BRAT1: variants seen among roughly 807,000 people sequenced by gnomAD.
BRAT1 encodes integrator complex assembly factor BRAT1.
In BRAT1, 74 loss-of-function variants were observed where a neutral mutation model predicts 70.6. The observed-to-expected ratio is 1.05, with a 90% CI of 0.87 to 1.27. BRAT1 has a LOEUF of 1.27. Ranked by LOEUF, BRAT1 falls within the 50% of genes most tolerant of loss-of-function variation. The pLI, the probability that BRAT1 is intolerant of heterozygous loss-of-function variation, is 0.00. For synonymous variants in BRAT1, 615 were observed against 517.1 expected, an observed-to-expected ratio of 1.19 and a Z score of -2.57; for missense variants, 1,203 against 1,098.2, an observed-to-expected ratio of 1.10 and a Z score of -1.35.
intron 2 of BRAT1, among the ~76,000 whole-genome samples, chr7:2,553,447 A>G (rs1780187152): frequency 6.6e-6 from 1 of 152,210 alleles, no homozygotes; most frequent in Admixed American, 6.5e-5. Flanking sequence ...ACATTAACAT[A>G]TTATGTGGAG....
chr7:2,541,502 G>A lies in BRAT1; in HGVS notation c.1135-18C>T, dbSNP rs754792591. 1.6e-5 allele frequency: 25 copies of A among 1,519,660 alleles called. No homozygotes were observed. Among genetic ancestry groups the A allele is most frequent in the South Asian group, 7.4e-5 (6 of 81,412 alleles). The allele number at this position is 1,519,660 out of a possible 1,614,324, so 94.1% of individuals were successfully genotyped here. Reference sequence around the variant, plus strand: ...CGCTGGGGCTGCGAGGAAGAGGGCCGTCAGCCAAGGTTGCGGTCCCACTGC... The same window carrying A: ...CGCTGGGGCTGCGAGGAAGAGGGCCATCAGCCAAGGTTGCGGTCCCACTGC... On this transcript the variant is annotated intron_variant, in intron 8 of 13. Transcript: ENST00000340611.
rs569563652 is a variant in BRAT1, at chr7:2,540,359, G to A, written c.1396-471C>T. The A allele has an allele frequency of 4.3e-4, 68 of 158,594 alleles. 1 individual carries two copies. The highest frequency in any genetic ancestry group is 3.2e-3 in the Middle Eastern group (1 of 314). The allele number at this position is 158,594 out of a possible 1,614,324, so 9.8% of individuals were successfully genotyped here. Reference sequence around the variant, plus strand: ...CAGTAATCACAGCTGTGAGCCCCACGCCCCTCCTGGGCTGATTTTAATAGG... The same window carrying A: ...CAGTAATCACAGCTGTGAGCCCCACACCCCTCCTGGGCTGATTTTAATAGG... On this transcript the variant is annotated intron_variant, in intron 10 of 13. Transcript: ENST00000340611.
chr7:2,545,496 CTTTT>C (rs71550356), intron 3 of BRAT1, among the ~76,000 whole-genome samples: 1 of 130,024 alleles, frequency 7.7e-6, no homozygotes, highest in Non-Finnish European at 1.6e-5. Context: ...CTTTCTTCTT[CTTTT>C]TTTTTTTTTT....
At chr7:2,550,604 T>G (rs1176896732) in intron 2 of BRAT1, among the ~76,000 whole-genome samples, 2 of 146,822 alleles carry the variant, frequency 1.4e-5, no homozygotes, top group African/African-American at 5.0e-5. Context: ...TTTACACACC[T>G]CTCAGAAACA....
chr7:2,544,875 G>C, intron 4 of BRAT1, 34 bp downstream of exon 4: 1 of 1,546,222 alleles, frequency 6.5e-7, no homozygotes, highest in Non-Finnish European at 8.7e-7. Flanking sequence ...ACACAGGCAG[G>C]ATGAGGAATG....
At chr7:2,544,200 G>GTTTT (rs1172630697) in intron 4 of BRAT1, 1,387 of 108,304 alleles carry the variant, frequency 0.013, 40 homozygotes, top group Middle Eastern at 0.029. Context: ...CCTTCTTGTT[G>GTTTT]TTTTTTTTTT....
chr7:2,546,533 G>A (rs528131295), intron 3 of BRAT1, among the ~76,000 whole-genome samples: 36 of 152,232 alleles, frequency 2.4e-4, no homozygotes, highest in Non-Finnish European at 3.1e-4. Context: ...CAAGGAGTTC[G>A]TGATCAGCCT....
In BRAT1 at chr7:2,543,281, T is replaced by C. The variant is rs1779323527; in HGVS notation, c.846A>G (p.Thr282=). The change falls in exon 6 of 14, where the codon ACA becomes ACG. Residue 282 remains threonine, a synonymous_variant. Coordinates refer to ENST00000340611, the MANE Select transcript of BRAT1 (RefSeq NM_152743.4). This position sits in a 1 kb window ranked among gnomAD's most constrained non-coding sequence, Gnocchi z 5.5. ...FSSSDGSLWE[T]VARALSCLGP... is the part of the protein sequence containing the mutation. ...CCAGGCAGCTCAGAGCCCGCGCCAC[T>C]GTCTCCCACAGGCTGCCGTCGGAAG... 5.0e-6 allele frequency: 8 copies of C among 1,610,680 alleles called. No homozygotes were observed. The highest frequency in any genetic ancestry group is 1.7e-5 in the Admixed American group (1 of 59,584).
rs1167713837 is a variant in BRAT1, at chr7:2,543,389, G to C, written c.804-66C>G. ...TCAAAACCCCATTCGAGGCCTGGCT[G>C]AGACTGCCATGGCTCCGGCACTGGA... On this transcript the variant is annotated intron_variant, in intron 5 of 13. Coordinates refer to ENST00000340611, the MANE Select transcript of BRAT1 (RefSeq NM_152743.4). This position sits in a 1 kb window ranked among gnomAD's most constrained non-coding sequence, Gnocchi z 5.5. The C allele has an allele frequency of 3.1e-5, 47 of 1,515,342 alleles. No homozygotes were observed. The highest frequency in any genetic ancestry group is 3.8e-5 in the Non-Finnish European group (43 of 1,132,236). 93.9% of individuals were successfully genotyped at this position (1,515,342 alleles called of 1,614,324 possible).
intron 10 of BRAT1, 150 bp downstream of exon 10, chr7:2,540,829 C>G: frequency 1.2e-6 from 1 of 818,540 alleles, no homozygotes; most frequent in Non-Finnish European, 1.8e-6. Context: ...CATGCAGCCA[C>G]CTGCATCGTG....
At chr7:2,550,481 C>CAAAAAAAAAAAAAAAA (rs369777124) in intron 2 of BRAT1, among the ~76,000 whole-genome samples, 90 of 57,140 alleles carry the variant, frequency 1.6e-3, no homozygotes, top group Non-Finnish European at 1.9e-3. Context: ...AAAAAAAAAA[C>CAAAAAAAAAAAAAAAA]AAAAAAAAAA....
chr7:2,542,321 C>T, intron 6 of BRAT1, 110 bp from the exon 7 acceptor site: 1 of 904,348 alleles, frequency 1.1e-6, no homozygotes, highest in Admixed American at 2.2e-5. Flanking sequence ...GTTGGGACAC[C>T]CCCCGAGAAA....
At chr7:2,554,952 CCTGTCCGTGTGT>C (rs958297644) in intron 1 of BRAT1, among the ~76,000 whole-genome samples, 15 of 151,992 alleles carry the variant, frequency 9.9e-5, no homozygotes, top group African/African-American at 3.4e-4. Context: ...GGAAGGGGCG[CCTGTCCGTGTGT>C]CTGTCCCTCT....
intron 2 of BRAT1, among the ~76,000 whole-genome samples, chr7:2,554,069 C>T (rs1780231921): frequency 6.6e-6 from 1 of 152,198 alleles, no homozygotes; most frequent in African/African-American, 2.4e-5. Flanking sequence ...GTGCCCTGAT[C>T]GTGGCTCAAC....
In BRAT1 at chr7:2,545,064, G is replaced by C; in HGVS notation, c.283-8C>G. ...TGGTAGTAACTCCCCCTGCTGGGAA[G>C]CAAAAAAAGAAGTGAGGGTGGCCAG... On this transcript the variant is annotated splice_region_variant and splice_polypyrimidine_tract_variant and intron_variant, in intron 3 of 13. Transcript: ENST00000340611. The C allele has an allele frequency of 6.8e-7, 1 of 1,481,466 alleles. No individual in the cohort carries two copies. The highest frequency in any genetic ancestry group is 2.4e-5 in the East Asian group (1 of 41,032). 91.8% of individuals were successfully genotyped at this position (1,481,466 alleles called of 1,614,324 possible). A position where few individuals can be genotyped will look rare whatever the true frequency, so the allele number is the denominator to read the frequency against.
At position 2,540,714 on chromosome 7, in the gene BRAT1, C is replaced by A. The variant is rs1490003388; in HGVS notation, c.1395+265G>T. On this transcript the variant is annotated intron_variant, in intron 10 of 13. Coordinates refer to ENST00000340611, the MANE Select transcript of BRAT1 (RefSeq NM_152743.4). The stretch of plus-strand genomic sequence containing the variant: ...CTTGGTGCCACCTCATTTCCCTTGT[C>A]CAGAATTCCCCGCAGGCCGCCTGAC... The A allele has an allele frequency of 2.0e-5, 8 of 404,180 alleles. No individual in the cohort carries two copies. In the South Asian group the frequency reaches 6.0e-4, roughly 30 times the overall value. The allele number at this position is 404,180 out of a possible 1,614,324, so 25.0% of individuals were successfully genotyped here.
intron 2 of BRAT1, among the ~76,000 whole-genome samples, chr7:2,548,852 CT>C (rs1779799760): frequency 6.6e-6 from 1 of 152,082 alleles, no homozygotes; most frequent in African/African-American, 2.4e-5. Context: ...GTGGTCCCAG[CT>C]ATTTGGGAGG....
Position 2,547,311 on chromosome 7 carries a change from G to A in BRAT1, c.282+13C>T. ...TCTCCACGGGACACTCAGGTGGGAG[G>A]CCCCAGGCTCACCTGAAGATACTGG... On this transcript the variant is annotated intron_variant, in intron 3 of 13. Coordinates refer to ENST00000340611, the MANE Select transcript of BRAT1 (RefSeq NM_152743.4). 6.2e-7 allele frequency: 1 copy of A among 1,613,586 alleles called. No individual in the cohort carries two copies. The highest frequency in any genetic ancestry group is 8.5e-7 in the Non-Finnish European group (1 of 1,179,604).
intron 3 of BRAT1, 59 bp downstream of exon 3, chr7:2,547,265 G>T (rs958924227): frequency 6.3e-7 from 1 of 1,590,646 alleles, no homozygotes. Flanking sequence ...ACCTGGCTGC[G>T]GGAGGAAAAG....
Sources: allele counts gnomAD v4.1 joint callset (sites outside exome capture counted in the v4.1 genomes callset), GRCh38; gene constraint gnomAD v4.1.1; non-coding constraint Gnocchi (gnomAD v3.1); transcripts MANE v1.5; gene names NCBI Gene and HGNC (gene_info 2026-07-23, HGNC 2026-07-21).